MZT1: variants seen among roughly 807,000 people sequenced by gnomAD.
The protein encoded by MZT1 is mitotic spindle organizing protein 1, also known as mitotic-spindle organizing protein 1.
A neutral mutation model predicts 8.5 loss-of-function variants in MZT1; 8 were observed. The observed-to-expected ratio is 0.94, with a 90% CI of 0.55 to 1.70. The LOEUF is 1.70. Among genes scored for constraint, MZT1 ranks in the 40% most tolerant of loss-of-function variants. The probability of loss-of-function intolerance (pLI) is 0.00; values close to 1 mark genes in which losing one functional copy is unlikely to be tolerated. For synonymous variants in MZT1, 38 were observed against 42.0 expected (o/e 0.90, Z 0.37); for missense variants, 93 against 108.6 (o/e 0.86, Z 0.64).
At chr13:72,716,978 A>G (rs1297462654) in intron 2 of MZT1, among the ~76,000 whole-genome samples, 1 of 152,160 alleles carries the variant, frequency 6.6e-6, no homozygotes, top group Admixed American at 6.5e-5. Context: ...CTAATCTGAT[A>G]GCCTTCTTTC....
rs373704081 is a variant in MZT1 at position 72,718,956 on chromosome 13, A to G, written c.221T>C (p.Leu74Pro). The G allele has an allele frequency of 3.8e-6, 6 of 1,562,126 alleles. No individual in the cohort carries two copies. In the African/African-American group the frequency reaches 5.6e-5, roughly 15 times the overall value. The change falls in exon 2 of 3, where the codon CTG (leucine) becomes CCG (proline). Residue 74 changes from leucine to proline, a missense_variant. Physicochemically the swap from Leu to Pro is moderately conservative, Grantham distance 98. Transcript: ENST00000377818. ...IKELRKATEALKAAENMTS is the reference protein window; with the variant it reads ...IKELRKATEAPKAAENMTS ...GAACTAATAGGAATCTCCAACCTTC[A>G]GTGCTTCAGTAGCCTTGCGAAGCTC...
chr13:72,727,588 G>A lies in MZT1; in HGVS notation c.15C>T (p.Ser5=), dbSNP rs757772883. ...CGGCCGCCGCCGCCGCCCCAGCACC[G>A]CTGCTACTCGCCATGGCTAAGGCCG... MASS[S]GAGAAAAAAA... The change falls in exon 1 of 3, where the codon AGC becomes AGT. Residue 5 remains serine, a synonymous_variant. Transcript: ENST00000377818. 1 of 1,602,956 alleles carries A rather than the reference G, an allele frequency of 6.2e-7. No homozygotes were observed. Among genetic ancestry groups the A allele is most frequent in the South Asian group, 1.1e-5 (1 of 90,130 alleles).
chr13:72,711,977 G>A lies in MZT1; in HGVS notation c.226-1632C>T. Among the ~76,000 whole-genome samples, 2 of 152,004 alleles carry A rather than the reference G, an allele frequency of 1.3e-5. 1 individual carries two copies. The highest frequency in any genetic ancestry group is 3.8e-4 in the East Asian group (2 of 5,196). ...TTTTTAAAATAGCATGATACTATCT[G>A]GAATGATGTTCACCAAACATTATTG... On this transcript the variant is annotated intron_variant, in intron 2 of 2. Transcript: ENST00000377818.
intron 2 of MZT1, among the ~76,000 whole-genome samples, chr13:72,713,398 C>A (rs2032506092): frequency 6.6e-6 from 1 of 152,108 alleles, no homozygotes; most frequent in African/African-American, 2.4e-5. Context: ...ATCTTCCCCA[C>A]CTCACAGATA....
In MZT1 at chr13:72,708,993, G is replaced by A. The variant is rs2032460162; in HGVS notation, c.*1329C>T. The A allele has an allele frequency of 6.6e-6, 1 of 151,826 alleles. No individual in the cohort carries two copies. Among genetic ancestry groups the A allele is most frequent in the African/African-American group, 2.4e-5 (1 of 41,356 alleles). 9.4% of individuals were successfully genotyped at this position (151,826 alleles called of 1,614,324 possible). A position where few individuals can be genotyped will look rare whatever the true frequency, so the allele number is the denominator to read the frequency against. On this transcript the variant is annotated 3_prime_UTR_variant, in exon 3 of 3. Transcript: ENST00000377818. ...TAAAATTTAAGAAATAATAAAATCA[G>A]ATGAAATCCATATTAGTTTTGCAAA...
intron 1 of MZT1, among the ~76,000 whole-genome samples, chr13:72,723,687 T>C (rs1316470639): frequency 6.6e-6 from 1 of 152,196 alleles, no homozygotes; most frequent in Non-Finnish European, 1.5e-5. Context: ...CCAAGGTTTT[T>C]GGATGAGAGA....
chr13:72,722,639 T>C (rs138617923), intron 1 of MZT1, among the ~76,000 whole-genome samples: 1 of 152,266 alleles, frequency 6.6e-6, no homozygotes, highest in African/African-American at 2.4e-5. Context: ...AAAAAACACA[T>C]GGATGGTGCT....
intron 1 of MZT1, among the ~76,000 whole-genome samples, chr13:72,720,234 T>C (rs1314889763): frequency 6.6e-6 from 1 of 152,208 alleles, no homozygotes; most frequent in East Asian, 1.9e-4. Context: ...TCATAGTAAA[T>C]TCCCATATAC....
intron 1 of MZT1, among the ~76,000 whole-genome samples, chr13:72,724,539 GTT>G (rs201616341): frequency 8.8e-4 from 98 of 111,468 alleles, no homozygotes; most frequent in African/African-American, 2.8e-3. Flanking sequence ...TCTATAACGT[GTT>G]TTTTTTTTTT....
chr13:72,726,840 G>A (rs1372981088), intron 1 of MZT1, among the ~76,000 whole-genome samples: 2 of 151,848 alleles, frequency 1.3e-5, no homozygotes, highest in East Asian at 1.9e-4. Flanking sequence ...CGACATTAGA[G>A]GGTAGACAGA....
chr13:72,727,338 C>T (rs933906538), intron 1 of MZT1, among the ~76,000 whole-genome samples, 186 bp downstream of exon 1: 13 of 152,226 alleles, frequency 8.5e-5, no homozygotes, highest in Non-Finnish European at 1.3e-4. Flanking sequence ...AACTACGCAG[C>T]GGCGGAGACA....
chr13:72,727,423 G>A, intron 1 of MZT1, 101 bp downstream of exon 1: 1 of 1,151,888 alleles, frequency 8.7e-7, no homozygotes, highest in East Asian at 2.3e-5. Flanking sequence ...ATGCCGTTTG[G>A]GGCACTAAGG....
Position 72,709,655 on chromosome 13 carries a change from AG to A in MZT1, c.*666del, listed in dbSNP as rs2032467425. The A allele has an allele frequency of 1.3e-5, 2 of 152,112 alleles. No individual in the cohort carries two copies. The highest frequency in any genetic ancestry group is 2.9e-5 in the Non-Finnish European group (2 of 67,936). The allele number at this position is 152,112 out of a possible 1,614,324, so 9.4% of individuals were successfully genotyped here. A position where few individuals can be genotyped will look rare whatever the true frequency, so the allele number is the denominator to read the frequency against. ...TACTTTTAAAATCCAAGTTTCTCAA[AG>A]TTTGATTTTTTTACTCAATACAAAA... On this transcript the variant is annotated 3_prime_UTR_variant, in exon 3 of 3. Coordinates refer to ENST00000377818, the MANE Select transcript of MZT1 (RefSeq NM_001071775.3).
chr13:72,710,967 G>A (rs1341395933), intron 2 of MZT1, among the ~76,000 whole-genome samples: 1 of 152,038 alleles, frequency 6.6e-6, no homozygotes, highest in Non-Finnish European at 1.5e-5. Context: ...TTTAATTTTA[G>A]AAATATGTGT....
At chr13:72,725,111 TA>T (rs1378388337) in intron 1 of MZT1, among the ~76,000 whole-genome samples, 2 of 150,672 alleles carry the variant, frequency 1.3e-5, no homozygotes, top group African/African-American at 2.4e-5. Flanking sequence ...TTATCAAAAT[TA>T]AAATTCAGAT....
chr13:72,718,622 T>C (rs1277913593), intron 2 of MZT1, among the ~76,000 whole-genome samples: 2 of 151,900 alleles, frequency 1.3e-5, no homozygotes, highest in Non-Finnish European at 2.9e-5. Context: ...GGACTACAGG[T>C]GCCCACCACC....
At position 72,710,291 on chromosome 13, in the gene MZT1, T is replaced by G; in HGVS notation, c.*31A>C. ...AATCTTCAAACCCTCTTGCAGAGCT[T>G]GACATATCTCATCAGAATTTCTCCA... On this transcript the variant is annotated 3_prime_UTR_variant, in exon 3 of 3. Transcript: ENST00000377818. 6.2e-7 allele frequency: 1 copy of G among 1,611,272 alleles called. No homozygotes were observed. The highest frequency in any genetic ancestry group is 8.5e-7 in the Non-Finnish European group (1 of 1,177,670).
At chr13:72,726,771 G>C (rs1363716398) in intron 1 of MZT1, among the ~76,000 whole-genome samples, 1 of 148,302 alleles carries the variant, frequency 6.7e-6, no homozygotes, top group African/African-American at 2.5e-5. Flanking sequence ...AACTAAACAG[G>C]CTCAATGATG....
In MZT1 at chr13:72,724,513, T is replaced by A. The variant is rs181781354; in HGVS notation, c.79+3011A>T. Among the ~76,000 whole-genome samples, 20 of 148,646 alleles carry A rather than the reference T, an allele frequency of 1.3e-4. No individual in the cohort carries two copies. The East Asian group carries it at 3.6e-3, about 27-fold the overall frequency. On this transcript the variant is annotated intron_variant, in intron 1 of 2. Transcript: ENST00000377818. ...CAAATGGAATCTATATACCATAGAT[T>A]CTCTTAACTCCTTTCTCTATAACGT...
Sources: gnomAD v4.1 joint callset for allele counts (sites outside exome capture counted in the v4.1 genomes callset) on GRCh38, gnomAD v4.1.1 for gene constraint, MANE v1.5 for transcripts, NCBI Gene and HGNC (gene_info 2026-07-23, HGNC 2026-07-21) for gene names.